CNTNAP2: variants seen among roughly 807,000 people sequenced by gnomAD.
The protein encoded by CNTNAP2 is contactin-associated protein-like 2.
Under a neutral mutation model 155.2 loss-of-function variants are expected in CNTNAP2, and 98 were observed. The ratio of observed to expected loss-of-function variants is 0.63; its 90% CI spans 0.54 to 0.75. CNTNAP2 has a LOEUF of 0.75. Ranked by LOEUF, CNTNAP2 falls within the 30% of genes least tolerant of loss-of-function variation. The pLI, the probability that CNTNAP2 is intolerant of heterozygous loss-of-function variation, is 0.00. For missense variants in CNTNAP2, 1,727 were observed against 1,688.1 expected (o/e 1.02, Z -0.40); for synonymous variants, 651 against 631.2 (o/e 1.03, Z -0.47).
intron 15 of CNTNAP2, among the ~76,000 whole-genome samples, chr7:148,073,714 T>C (rs541148385): frequency 2.0e-5 from 3 of 152,184 alleles, no homozygotes; most frequent in Non-Finnish European, 4.4e-5. Context: ...GAAAAAAATA[T>C]GGTACAGCTG....
At chr7:146,619,483 AAGT>A (rs569701713) in intron 1 of CNTNAP2, among the ~76,000 whole-genome samples, 173 of 152,330 alleles carry the variant, frequency 1.1e-3, no homozygotes, top group African/African-American at 3.8e-3. Context: ...ATTCAAGTAA[AAGT>A]AGTCTATTCA....
chr7:147,508,453 G>C (rs1798954769), intron 11 of CNTNAP2, among the ~76,000 whole-genome samples: 2 of 152,118 alleles, frequency 1.3e-5, no homozygotes, highest in Admixed American at 1.3e-4. Flanking sequence ...CTTCAACACA[G>C]ATACTCCCCA....
At chr7:146,962,639 C>A (rs1797577757) in intron 3 of CNTNAP2, among the ~76,000 whole-genome samples, 1 of 152,192 alleles carries the variant, frequency 6.6e-6, no homozygotes, top group Non-Finnish European at 1.5e-5. Flanking sequence ...CAACCTCCAC[C>A]TCCTGGGTTC....
intron 8 of CNTNAP2, among the ~76,000 whole-genome samples, chr7:147,141,871 C>A (rs1801603967): frequency 1.3e-5 from 2 of 152,128 alleles, no homozygotes; most frequent in Non-Finnish European, 2.9e-5. Flanking sequence ...ATCCAAGTTT[C>A]TATTTCTACA....
chr7:147,457,353 T>C (rs770019812), intron 10 of CNTNAP2, among the ~76,000 whole-genome samples: 15 of 152,152 alleles, frequency 9.9e-5, no homozygotes, highest in Non-Finnish European at 1.6e-4. Flanking sequence ...TTGGGTTCTT[T>C]GCAGTTGTAA....
intron 13 of CNTNAP2, among the ~76,000 whole-genome samples, chr7:147,761,568 A>G (rs996940146): frequency 1.3e-5 from 2 of 152,198 alleles, no homozygotes; most frequent in Non-Finnish European, 2.9e-5. Flanking sequence ...ATCAAGCCCC[A>G]GTGCTGTAGA....
chr7:147,523,619 T>TCCTC (rs1799267402), intron 11 of CNTNAP2, among the ~76,000 whole-genome samples: 1 of 152,118 alleles, frequency 6.6e-6, no homozygotes, highest in South Asian at 2.1e-4. Context: ...CAGCTGAGCC[T>TCCTC]CCTCCTCTCT....
intron 1 of CNTNAP2, among the ~76,000 whole-genome samples, chr7:146,681,146 C>A (rs569421750): frequency 2.0e-5 from 3 of 151,328 alleles, no homozygotes; most frequent in African/African-American, 7.3e-5. Context: ...CCTCAGAAAG[C>A]GTCACAGAAA....
chr7:147,675,076 T>C (rs1795846960), intron 13 of CNTNAP2, among the ~76,000 whole-genome samples: 1 of 152,044 alleles, frequency 6.6e-6, no homozygotes, highest in Non-Finnish European at 1.5e-5. Context: ...TATCAAGGTA[T>C]TCATAAGGCC....
intron 13 of CNTNAP2, among the ~76,000 whole-genome samples, chr7:147,668,859 T>A (rs1176963574): frequency 1.3e-5 from 2 of 152,194 alleles, no homozygotes; most frequent in Non-Finnish European, 1.5e-5. Flanking sequence ...TGTGCGGTGA[T>A]GCCCTAGGTG....
At chr7:148,136,159 A>G (rs1029715089) in intron 16 of CNTNAP2, among the ~76,000 whole-genome samples, 2 of 151,442 alleles carry the variant, frequency 1.3e-5, no homozygotes, top group African/African-American at 4.9e-5. Context: ...GGAAGGAAAG[A>G]AATAAACAAA....
chr7:146,734,457 C>A (rs1251056800), intron 1 of CNTNAP2, among the ~76,000 whole-genome samples: 1 of 151,992 alleles, frequency 6.6e-6, no homozygotes, highest in African/African-American at 2.4e-5. Flanking sequence ...GTTCAACAAC[C>A]TAGTTCAAAA....
intron 1 of CNTNAP2, among the ~76,000 whole-genome samples, chr7:146,635,574 T>C (rs946451016): frequency 2.3e-4 from 35 of 152,328 alleles, no homozygotes; most frequent in African/African-American, 8.4e-4. Context: ...ATCAGAATTC[T>C]TCTTAAAAGA....
chr7:146,542,971 A>T (rs928049364), intron 1 of CNTNAP2, among the ~76,000 whole-genome samples: 1 of 151,902 alleles, frequency 6.6e-6, no homozygotes, highest in African/African-American at 2.4e-5. Context: ...TCAAATAAGA[A>T]GAATAAATTC....
At chr7:147,219,180 A>G (rs113234610) in intron 8 of CNTNAP2, among the ~76,000 whole-genome samples, 1 of 152,128 alleles carries the variant, frequency 6.6e-6, no homozygotes, top group Non-Finnish European at 1.5e-5. Context: ...CACTCCCTGT[A>G]TTAGTCAGGG....
intron 11 of CNTNAP2, among the ~76,000 whole-genome samples, chr7:147,549,121 T>C (rs1799799467): frequency 6.6e-6 from 1 of 151,988 alleles, no homozygotes; most frequent in African/African-American, 2.4e-5. Flanking sequence ...ATTTTAAACA[T>C]TTATAATTCT....
At chr7:146,155,682 T>C (rs1192049330) in intron 1 of CNTNAP2, among the ~76,000 whole-genome samples, 1 of 134,166 alleles carries the variant, frequency 7.5e-6, no homozygotes, top group East Asian at 2.0e-4. Flanking sequence ...CATAAAACAA[T>C]ATCATTATTA....
intron 1 of CNTNAP2, among the ~76,000 whole-genome samples, chr7:146,718,940 T>C (rs188696861): frequency 1.5e-3 from 225 of 152,280 alleles, no homozygotes; most frequent in Non-Finnish European, 2.5e-3. Context: ...CGTGTGCTTC[T>C]TTTACAATTA....
chr7:148,149,540 G>A (rs1380821453), intron 17 of CNTNAP2, among the ~76,000 whole-genome samples: 4 of 152,090 alleles, frequency 2.6e-5, no homozygotes, highest in Admixed American at 2.6e-4. Flanking sequence ...AATAAGGCTA[G>A]AAATGTGCGT....
Sources: allele counts gnomAD v4.1 joint callset (sites outside exome capture counted in the v4.1 genomes callset), GRCh38; gene constraint gnomAD v4.1.1; transcripts MANE v1.5; gene names NCBI Gene and HGNC (gene_info 2026-07-23, HGNC 2026-07-21).